The following ASIC2 variants were observed in gnomAD, a reference collection of about 807,000 sequenced individuals.
ASIC2 encodes the protein acid sensing ion channel subunit 2.
A neutral mutation model predicts 57.3 loss-of-function variants in ASIC2; 25 were observed. The observed-to-expected ratio is 0.44, with a 90% CI of 0.32 to 0.61. The LOEUF is 0.61. Among genes scored for constraint, ASIC2 ranks in the 20% least tolerant of loss-of-function variants. The pLI, the probability that ASIC2 is intolerant of heterozygous loss-of-function variation, is 0.06. For synonymous variants in ASIC2, 319 were observed against 307.5 expected (o/e 1.04, Z -0.39); for missense variants, 641 against 738.1 (o/e 0.87, Z 1.52).
At chr17:33,062,523 G>A (rs2092025166) in intron 3 of ASIC2, among the ~76,000 whole-genome samples, 2 of 152,196 alleles carry the variant, frequency 1.3e-5, no homozygotes, top group Admixed American at 1.3e-4. Context: ...TGTGGTCTGA[G>A]AGACAGTTTG....
rs553774421 is a variant in ASIC2 at position 33,471,053 on chromosome 17, A to G, written c.556-358986T>C. On this transcript the variant is annotated intron_variant, in intron 1 of 9. Coordinates refer to the ASIC2 transcript ENST00000359872. ...AGATACGGTTTGGTCACACCAGGCC[A>G]GGTAGCTCAGAGAACAATGGAGGTC... is the stretch of plus-strand genomic sequence containing the variant. 5.3e-5 allele frequency among the ~76,000 whole-genome samples: 8 copies of G among 152,366 alleles called. No individual in the cohort carries two copies. In the South Asian group the frequency reaches 1.5e-3, roughly 28 times the overall value.
In ASIC2 at chr17:33,235,556, C is replaced by T. The variant is rs537696490; in HGVS notation, c.708+55852G>A. 3.3e-5 allele frequency among the ~76,000 whole-genome samples: 5 copies of T among 152,266 alleles called. No individual in the cohort carries two copies. The South Asian group carries it at 1.0e-3, about 32-fold the overall frequency. On this transcript the variant is annotated intron_variant, in intron 1 of 9. Coordinates refer to ENST00000225823, the MANE Select transcript of ASIC2 (RefSeq NM_183377.2). ...GAGTGACATGCAGACTAGGAAAGCC[C>T]GTGGGTAACCATAGCTCAGCTCCCT...
intron 1 of ASIC2, among the ~76,000 whole-genome samples, chr17:33,300,602 A>G (rs1471473455): frequency 3.9e-5 from 6 of 152,236 alleles, no homozygotes. Context: ...GTGTATTTGC[A>G]TAAGATTTAA....
chr17:33,310,447 G>A lies in ASIC2; in HGVS notation c.556-198380C>T, dbSNP rs146446033. On this transcript the variant is annotated intron_variant, in intron 1 of 9. Transcript: ENST00000359872. ...CTCAAACTAGAGCAGCTCCAGCCTC[G>A]TCTTCAGAGAGACCTTGAGTGCCAA... 3.3e-3 allele frequency among the ~76,000 whole-genome samples: 505 copies of A among 152,242 alleles called. 3 individuals are homozygous for A. The highest frequency in any genetic ancestry group is 5.0e-3 in the Non-Finnish European group (338 of 68,022).
intron 2 of ASIC2, among the ~76,000 whole-genome samples, chr17:33,103,053 T>A (rs75935002): frequency 6.6e-6 from 1 of 152,138 alleles, no homozygotes; most frequent in Non-Finnish European, 1.5e-5. Context: ...AAAGTGCTGG[T>A]ATTACAGGCC....
intron 1 of ASIC2, among the ~76,000 whole-genome samples, chr17:33,467,818 A>G (rs1912914777): frequency 6.6e-6 from 1 of 152,210 alleles, no homozygotes; most frequent in African/African-American, 2.4e-5. Context: ...CATCTTACAT[A>G]TATTGACTGA....
intron 1 of ASIC2, among the ~76,000 whole-genome samples, chr17:34,096,630 G>T (rs184286786): frequency 8.6e-5 from 13 of 151,946 alleles, no homozygotes; most frequent in Non-Finnish European, 1.5e-4. Context: ...CCAGGCAGGC[G>T]GATCACGAGG....
At chr17:33,543,966 T>C (rs937285563) in intron 1 of ASIC2, among the ~76,000 whole-genome samples, 1 of 152,218 alleles carries the variant, frequency 6.6e-6, no homozygotes, top group Non-Finnish European at 1.5e-5. Flanking sequence ...ATAAGCACCA[T>C]ACAGTAAAGC....
At chr17:33,184,785 A>G (rs918361294) in intron 1 of ASIC2, among the ~76,000 whole-genome samples, 1 of 152,200 alleles carries the variant, frequency 6.6e-6, no homozygotes, top group African/African-American at 2.4e-5. Flanking sequence ...GTTTGCTCCA[A>G]TTCAACAGTA....
At chr17:33,083,778 G>A (rs1274348897) in intron 3 of ASIC2, among the ~76,000 whole-genome samples, 2 of 152,200 alleles carry the variant, frequency 1.3e-5, no homozygotes, top group Non-Finnish European at 2.9e-5. Context: ...GGAGAGGTGA[G>A]CTGTGGCCAG....
rs555980120 is a variant in ASIC2 at position 33,797,809 on chromosome 17, T to A, written c.555+358169A>T. On this transcript the variant is annotated intron_variant, in intron 1 of 9. Coordinates refer to the ASIC2 transcript ENST00000359872. The stretch of plus-strand genomic sequence containing the variant: ...TACTCTTGGCCTTTGGGGACACTGC[T>A]CAGTGCTTGCAGCAGGGAAGGAGGT... Among the ~76,000 whole-genome samples, 12 of 152,302 alleles carry A rather than the reference T, an allele frequency of 7.9e-5. No homozygotes were observed. In the South Asian group the frequency reaches 2.3e-3, roughly 29 times the overall value.
At chr17:33,394,670 G>A (rs1180502023) in intron 1 of ASIC2, among the ~76,000 whole-genome samples, 1 of 152,108 alleles carries the variant, frequency 6.6e-6, no homozygotes, top group African/African-American at 2.4e-5. Context: ...GGCAAAATTT[G>A]TGGACAGTGA....
At chr17:33,564,835 A>AG (rs11444263) in intron 1 of ASIC2, among the ~76,000 whole-genome samples, 82,604 of 152,058 alleles carry the variant, frequency 0.54, 24,145 homozygotes, top group African/African-American at 0.78. Context: ...GCTTAAATGC[A>AG]TCTTAAGCCA....
chr17:34,108,947 G>C (rs759643802), intron 1 of ASIC2, among the ~76,000 whole-genome samples: 39 of 151,236 alleles, frequency 2.6e-4, no homozygotes, highest in Non-Finnish European at 5.5e-4. Context: ...CCTATATCTT[G>C]GTTATGGTTA....
chr17:34,100,720 G>T (rs189323724), intron 1 of ASIC2, among the ~76,000 whole-genome samples: 1 of 152,268 alleles, frequency 6.6e-6, no homozygotes, highest in Admixed American at 6.5e-5. Context: ...CTCCTACTGC[G>T]TCTCCCTTCA....
chr17:33,845,404 T>C (rs1358742369), intron 1 of ASIC2, among the ~76,000 whole-genome samples: 1 of 152,130 alleles, frequency 6.6e-6, no homozygotes, highest in Non-Finnish European at 1.5e-5. Flanking sequence ...GGTGCACCTG[T>C]AAACGCAGCA....
chr17:34,100,969 G>C (rs924211926), intron 1 of ASIC2, among the ~76,000 whole-genome samples: 1 of 152,146 alleles, frequency 6.6e-6, no homozygotes, highest in Non-Finnish European at 1.5e-5. Flanking sequence ...TTGTCCCTCA[G>C]TTTTATCAGC....
chr17:34,077,108 G>A (rs571543523), intron 1 of ASIC2, among the ~76,000 whole-genome samples: 2 of 152,144 alleles, frequency 1.3e-5, no homozygotes, highest in East Asian at 1.9e-4. Context: ...CCTGGGATTC[G>A]GATCCAGGCC....
intron 1 of ASIC2, among the ~76,000 whole-genome samples, chr17:33,372,502 C>A (rs549547358): frequency 1.2e-4 from 19 of 152,212 alleles, no homozygotes; most frequent in African/African-American, 4.6e-4. Flanking sequence ...GGCTGGTGGC[C>A]ACCATCTGCA....
Sources: gnomAD v4.1 joint callset for allele counts (sites outside exome capture counted in the v4.1 genomes callset) on GRCh38, gnomAD v4.1.1 for gene constraint, MANE v1.5 for transcripts, NCBI Gene and HGNC (gene_info 2026-07-23, HGNC 2026-07-21) for gene names.